Variants in DGKB observed in about 807,000 individuals in gnomAD.
The protein encoded by DGKB is diacylglycerol kinase beta.
A neutral mutation model predicts 114.3 loss-of-function variants in DGKB; 67 were observed. The observed-to-expected ratio is 0.59, with a 90% CI of 0.48 to 0.72. The LOEUF (loss-of-function observed/expected upper bound fraction) is 0.72. Among genes scored for constraint, DGKB ranks in the 30% least tolerant of loss-of-function variants. The probability of loss-of-function intolerance (pLI) is 0.00; values close to 1 mark genes in which losing one functional copy is unlikely to be tolerated. For missense variants in DGKB, 907 were observed against 975.2 expected (o/e 0.93, Z 0.93); for synonymous variants, 398 against 323.1 (o/e 1.23, Z -2.49).
intron 1 of DGKB, among the ~76,000 whole-genome samples, chr7:14,909,166 T>C (rs75501855): frequency 2.0e-5 from 3 of 152,298 alleles, no homozygotes; most frequent in East Asian, 1.9e-4. Context: ...ACTTGAAGAA[T>C]TGAAGAAGAA....
At chr7:14,610,485 C>T (rs796711812) in intron 16 of DGKB, among the ~76,000 whole-genome samples, 8 of 152,048 alleles carry the variant, frequency 5.3e-5, no homozygotes, top group African/African-American at 1.9e-4. Context: ...CATGTACCTC[C>T]TGTATCTAAA....
intron 13 of DGKB, among the ~76,000 whole-genome samples, chr7:14,657,550 TAG>T (rs1254905722): frequency 6.6e-6 from 1 of 151,842 alleles, no homozygotes; most frequent in Admixed American, 6.6e-5. Context: ...GTAGATGACA[TAG>T]GATTTCAAGG....
chr7:14,699,354 C>T (rs571942952), intron 7 of DGKB, among the ~76,000 whole-genome samples: 7 of 152,020 alleles, frequency 4.6e-5, no homozygotes, highest in South Asian at 4.2e-4. Context: ...TTAAAGTTCC[C>T]GGATATCTTT....
intron 23 of DGKB, among the ~76,000 whole-genome samples, chr7:14,329,658 G>T (rs989267764): frequency 6.6e-6 from 1 of 151,810 alleles, no homozygotes; most frequent in Non-Finnish European, 1.5e-5. Context: ...AGAAATTATT[G>T]TAATTTCCTG....
intron 20 of DGKB, among the ~76,000 whole-genome samples, chr7:14,517,469 G>A (rs1384382331): frequency 1.3e-5 from 2 of 151,854 alleles, no homozygotes; most frequent in Non-Finnish European, 2.9e-5. Context: ...TAACAAATGG[G>A]ACCTAATCAA....
chr7:14,898,582 C>T (rs1463633755), intron 1 of DGKB, among the ~76,000 whole-genome samples: 1 of 152,080 alleles, frequency 6.6e-6, no homozygotes, highest in East Asian at 1.9e-4. Flanking sequence ...TATTTTTAAA[C>T]TAGAAGAGGA....
intron 21 of DGKB, among the ~76,000 whole-genome samples, chr7:14,444,958 T>C (rs1161584799): frequency 6.6e-6 from 1 of 151,858 alleles, no homozygotes; most frequent in Admixed American, 6.6e-5. Flanking sequence ...ATTTGAGAAA[T>C]ATTATAACTA....
At chr7:14,925,286 C>G (rs777551435) in intron 1 of DGKB, among the ~76,000 whole-genome samples, 13 of 152,134 alleles carry the variant, frequency 8.5e-5, no homozygotes, top group Non-Finnish European at 1.8e-4. Context: ...GGGATTAATG[C>G]TGAGGAGTAA....
chr7:14,608,953 T>A (rs996181764), intron 16 of DGKB, among the ~76,000 whole-genome samples: 2 of 151,918 alleles, frequency 1.3e-5, no homozygotes, highest in Non-Finnish European at 2.9e-5. Flanking sequence ...TCCATGCTCA[T>A]GGAAGAATCA....
chr7:14,696,732 A>T (rs1824002865), intron 8 of DGKB, among the ~76,000 whole-genome samples: 1 of 152,134 alleles, frequency 6.6e-6, no homozygotes, highest in Non-Finnish European at 1.5e-5. Flanking sequence ...CAATAAATTA[A>T]ATACATGTTA....
At chr7:14,499,251 G>C (rs1434645733) in intron 20 of DGKB, among the ~76,000 whole-genome samples, 1 of 151,634 alleles carries the variant, frequency 6.6e-6, no homozygotes, top group East Asian at 1.9e-4. Flanking sequence ...AGATAACTAA[G>C]TTTGTTCTGG....
At chr7:14,608,805 A>G (rs191779389) in intron 16 of DGKB, among the ~76,000 whole-genome samples, 2 of 152,120 alleles carry the variant, frequency 1.3e-5, no homozygotes, top group African/African-American at 4.8e-5. Context: ...CAAGAATACA[A>G]TATCATTTAC....
At chr7:14,234,104 C>T (rs975585474) in intron 23 of DGKB, among the ~76,000 whole-genome samples, 12 of 151,990 alleles carry the variant, frequency 7.9e-5, no homozygotes, top group African/African-American at 2.9e-4. Flanking sequence ...TCTTCTTTGC[C>T]TCCTTGGGAT....
intron 1 of DGKB, among the ~76,000 whole-genome samples, chr7:14,856,474 T>G (rs1022284793): frequency 6.6e-6 from 1 of 152,142 alleles, no homozygotes; most frequent in African/African-American, 2.4e-5. Flanking sequence ...TTACTGAATG[T>G]GAAATATATA....
intron 21 of DGKB, among the ~76,000 whole-genome samples, chr7:14,369,742 C>T (rs900632221): frequency 6.6e-6 from 1 of 152,136 alleles, no homozygotes; most frequent in Non-Finnish European, 1.5e-5. Context: ...CTGTTCATAT[C>T]CTTCATCCAC....
intron 1 of DGKB, among the ~76,000 whole-genome samples, chr7:14,853,001 G>C (rs901333013): frequency 5.9e-5 from 9 of 152,082 alleles, no homozygotes; most frequent in Non-Finnish European, 1.2e-4. Context: ...TATAAATTCA[G>C]TAACGAGCAC....
chr7:14,404,921 G>C (rs1823700054), intron 21 of DGKB, among the ~76,000 whole-genome samples: 1 of 151,720 alleles, frequency 6.6e-6, no homozygotes, highest in Admixed American at 6.6e-5. Context: ...CTTCAGACCA[G>C]TGCTGTGTCC....
intron 20 of DGKB, among the ~76,000 whole-genome samples, chr7:14,560,255 A>C (rs574059785): frequency 6.6e-6 from 1 of 152,252 alleles, no homozygotes; most frequent in East Asian, 1.9e-4. Flanking sequence ...CAAAGTATAA[A>C]ATACATTATT....
chr7:14,244,539 A>G (rs1216029381), intron 23 of DGKB, among the ~76,000 whole-genome samples: 3 of 151,656 alleles, frequency 2.0e-5, no homozygotes, highest in African/African-American at 7.3e-5. Context: ...GCGTGGTGGC[A>G]TGTGCCTGTA....
Sources: allele counts gnomAD v4.1 joint callset (sites outside exome capture counted in the v4.1 genomes callset), GRCh38; gene constraint gnomAD v4.1.1; transcripts MANE v1.5; gene names NCBI Gene and HGNC (gene_info 2026-07-23, HGNC 2026-07-21).